MARCHF1: variants seen among roughly 807,000 people sequenced by gnomAD.
MARCHF1 encodes E3 ubiquitin-protein ligase MARCHF1.
In MARCHF1, 40 loss-of-function variants were observed where a neutral mutation model predicts 54.2. The observed-to-expected ratio is 0.74, with a 90% CI of 0.57 to 0.96. The LOEUF is 0.96. MARCHF1 is among the 40% of genes least tolerant of loss of function. MARCHF1 has a pLI of 0.00. For synonymous variants in MARCHF1, 236 were observed against 236.3 expected (o/e 1.00, Z 0.01); for missense variants, 586 against 656.5 (o/e 0.89, Z 1.17).
At chr4:163,545,947 A>G (rs796548341) in intron 8 of MARCHF1, among the ~76,000 whole-genome samples, 42 of 149,054 alleles carry the variant, frequency 2.8e-4, no homozygotes, top group African/African-American at 9.2e-4. Context: ...TTAAATACAT[A>G]TGTGTGTGTG....
chr4:164,111,511 C>A (rs1048666170), intron 2 of MARCHF1, 77 bp downstream of exon 2: 1 of 151,644 alleles, frequency 6.6e-6, no homozygotes, highest in East Asian at 1.9e-4. Flanking sequence ...AACTCTAATT[C>A]CAAATGAGAA....
chr4:164,266,040 CCA>C (rs1163280026), intron 1 of MARCHF1, among the ~76,000 whole-genome samples: 6 of 152,152 alleles, frequency 3.9e-5, no homozygotes, highest in African/African-American at 1.2e-4. Flanking sequence ...TTCGCTCCTG[CCA>C]CAGTCAGAAT....
intron 3 of MARCHF1, among the ~76,000 whole-genome samples, chr4:163,950,627 T>TG (rs1040193594): frequency 1.3e-5 from 2 of 152,164 alleles, no homozygotes; most frequent in East Asian, 3.9e-4. Flanking sequence ...GCTGGCTCCG[T>TG]GGGGCATACA....
chr4:163,898,753 C>A (rs1384731416), intron 3 of MARCHF1, among the ~76,000 whole-genome samples: 1 of 152,172 alleles, frequency 6.6e-6, no homozygotes, highest in African/African-American at 2.4e-5. Context: ...CATTGCAGCA[C>A]TACTGACAAT....
chr4:164,207,692 C>T (rs550973867), intron 1 of MARCHF1, among the ~76,000 whole-genome samples: 153 of 152,176 alleles, frequency 1.0e-3, no homozygotes, highest in Non-Finnish European at 1.9e-3. Flanking sequence ...GTAGGGGGAA[C>T]GGGGGTTCCC....
chr4:163,551,904 T>C (rs1186109096), intron 8 of MARCHF1, among the ~76,000 whole-genome samples: 2 of 152,186 alleles, frequency 1.3e-5, no homozygotes, highest in Admixed American at 1.3e-4. Flanking sequence ...AAACCTCTTT[T>C]TCTTCATAAA....
intron 5 of MARCHF1, among the ~76,000 whole-genome samples, chr4:163,630,369 T>C (rs556214122): frequency 6.6e-6 from 1 of 152,188 alleles, no homozygotes; most frequent in Admixed American, 6.5e-5. Flanking sequence ...TTTATGAAAT[T>C]CAAACAATCC....
In MARCHF1 at chr4:163,831,906, C is replaced by A. The variant is rs1363376474; in HGVS notation, c.111+22115G>T. Among the ~76,000 whole-genome samples, 3 of 152,152 alleles carry A rather than the reference C, an allele frequency of 2.0e-5. No individual in the cohort carries two copies. The East Asian group carries it at 5.8e-4, about 29-fold the overall frequency. On this transcript the variant is annotated intron_variant, in intron 4 of 9. Coordinates refer to ENST00000514618, the MANE Select transcript of MARCHF1 (RefSeq NM_001394959.1). ...TTGAGTGAGAAGGTCCTCATACATGCACCACACTTAACAAGCTTGGAGTTT... is the reference window on the plus strand; with the variant it reads ...TTGAGTGAGAAGGTCCTCATACATGAACCACACTTAACAAGCTTGGAGTTT...
At chr4:163,713,272 T>A (rs957634716) in intron 4 of MARCHF1, among the ~76,000 whole-genome samples, 1 of 152,124 alleles carries the variant, frequency 6.6e-6, no homozygotes, top group African/African-American at 2.4e-5. Context: ...CTCTCTTGGA[T>A]CCAAGAGGAA....
intron 3 of MARCHF1, among the ~76,000 whole-genome samples, chr4:163,869,432 C>A (rs1223317886): frequency 6.6e-6 from 1 of 152,028 alleles, no homozygotes; most frequent in East Asian, 1.9e-4. Context: ...ATCCAGTGGG[C>A]TGCATAAATG....
At chr4:163,801,807 C>T (rs1748090269) in intron 4 of MARCHF1, among the ~76,000 whole-genome samples, 1 of 152,070 alleles carries the variant, frequency 6.6e-6, no homozygotes, top group Non-Finnish European at 1.5e-5. Flanking sequence ...TTGTTTCATG[C>T]AAACTTAGGT....
At chr4:164,085,829 A>G (rs943362861) in intron 2 of MARCHF1, among the ~76,000 whole-genome samples, 1 of 151,812 alleles carries the variant, frequency 6.6e-6, no homozygotes, top group African/African-American at 2.4e-5. Context: ...TATTATGACT[A>G]TGTATTCTGT....
intron 1 of MARCHF1, among the ~76,000 whole-genome samples, chr4:164,140,435 G>T (rs76499582): frequency 1.3e-5 from 2 of 151,902 alleles, no homozygotes. Flanking sequence ...GAAACTGACC[G>T]GATCACTGCA....
intron 7 of MARCHF1, among the ~76,000 whole-genome samples, chr4:163,596,388 A>G (rs1740770893): frequency 6.6e-6 from 1 of 151,988 alleles, no homozygotes; most frequent in African/African-American, 2.4e-5. Flanking sequence ...AAAAATACAA[A>G]AATTAGCCAG....
In MARCHF1 at chr4:163,760,279, A is replaced by G. The variant is rs150809052; in HGVS notation, c.112-59416T>C. 4.6e-5 allele frequency among the ~76,000 whole-genome samples: 7 copies of G among 152,314 alleles called. No homozygotes were observed. The East Asian group carries it at 1.3e-3, about 29-fold the overall frequency. On this transcript the variant is annotated intron_variant, in intron 4 of 9. Coordinates refer to ENST00000514618, the MANE Select transcript of MARCHF1 (RefSeq NM_001394959.1). ...CTCATTTAAGGACCCCGGCAATCAC[A>G]GTGAGCCCATCCAGATTATCCATAA...
At chr4:163,637,343 C>A (rs1378926498) in intron 5 of MARCHF1, among the ~76,000 whole-genome samples, 1 of 152,064 alleles carries the variant, frequency 6.6e-6, no homozygotes, top group African/African-American at 2.4e-5. Context: ...TTGCAACCTA[C>A]TCATCTGACA....
rs542930372 is a variant in MARCHF1 at position 164,057,280 on chromosome 4, T to A, written c.-248+54308A>T. On this transcript the variant is annotated intron_variant, in intron 2 of 9. Transcript: ENST00000514618. ...TTACCATATTCATTTCATAAGAATATCCACCAATTAAGCCAAGCTAAGAAG... is the reference window on the plus strand; with the variant it reads ...TTACCATATTCATTTCATAAGAATAACCACCAATTAAGCCAAGCTAAGAAG... 5.3e-5 allele frequency among the ~76,000 whole-genome samples: 8 copies of A among 152,280 alleles called. No individual in the cohort carries two copies. In the East Asian group the frequency reaches 1.5e-3, roughly 29 times the overall value.
intron 5 of MARCHF1, among the ~76,000 whole-genome samples, chr4:163,632,459 C>T: frequency 6.6e-6 from 1 of 152,186 alleles, no homozygotes; most frequent in Admixed American, 6.5e-5. Context: ...AGGGAGTTCC[C>T]TTTCCTAATC....
At chr4:163,953,290 G>A (rs150460113) in intron 3 of MARCHF1, among the ~76,000 whole-genome samples, 61 of 152,244 alleles carry the variant, frequency 4.0e-4, no homozygotes, top group African/African-American at 1.4e-3. Flanking sequence ...TCAGGATTTG[G>A]CGTCAGACTT....
Sources: gnomAD v4.1 joint callset for allele counts (sites outside exome capture counted in the v4.1 genomes callset) on GRCh38, gnomAD v4.1.1 for gene constraint, MANE v1.5 for transcripts, NCBI Gene and HGNC (gene_info 2026-07-23, HGNC 2026-07-21) for gene names.